The following PDE3B variants were observed in gnomAD, a reference collection of about 807,000 sequenced individuals.
The protein encoded by PDE3B is phosphodiesterase 3B.
PDE3B carries 66 observed loss-of-function variants against 116.8 expected under a neutral mutation model. That is an observed-to-expected ratio of 0.56 (90% CI 0.46 to 0.69). PDE3B has a LOEUF of 0.69. Ranked by LOEUF, PDE3B falls within the 30% of genes least tolerant of loss-of-function variation. The probability of loss-of-function intolerance (pLI) is 0.00; values close to 1 mark genes in which losing one functional copy is unlikely to be tolerated. For missense variants in PDE3B, 1,384 were observed against 1,368.1 expected, an observed-to-expected ratio of 1.01 and a Z score of -0.18; for synonymous variants, 595 against 533.6, an observed-to-expected ratio of 1.12 and a Z score of -1.59.
intron 1 of PDE3B, among the ~76,000 whole-genome samples, chr11:14,690,677 C>G (rs1457661332): frequency 6.6e-6 from 1 of 150,376 alleles, no homozygotes; most frequent in Non-Finnish European, 1.5e-5. Flanking sequence ...CCAACAATAC[C>G]TGGGAGGCAC....
intron 10 of PDE3B, 37 bp from the exon 11 acceptor site, chr11:14,834,945 T>A (rs1344850608): frequency 8.9e-7 from 1 of 1,124,148 alleles, no homozygotes; most frequent in Non-Finnish European, 1.3e-6. Context: ...AAATGTTGTG[T>A]GTTAAACCTA....
At chr11:14,767,015 T>C (rs1477872675) in intron 1 of PDE3B, among the ~76,000 whole-genome samples, 1 of 151,616 alleles carries the variant, frequency 6.6e-6, no homozygotes, top group Non-Finnish European at 1.5e-5. Flanking sequence ...TTATCGTTTG[T>C]GTGGCTGAGA....
rs1215286795 is a variant in PDE3B at position 14,872,036 on chromosome 11, TA to T, written c.*2381del. The T allele has an allele frequency of 6.6e-6, 1 of 152,226 alleles. No homozygotes were observed. Among genetic ancestry groups the T allele is most frequent in the Non-Finnish European group, 1.5e-5 (1 of 68,032 alleles). The allele number at this position is 152,226 out of a possible 1,614,324, so 9.4% of individuals were successfully genotyped here. ...ACATTTTTCTCCATAAAAGTACTTT[TA>T]AAAATTACTTCATGATTTGAAAGCT... On this transcript the variant is annotated 3_prime_UTR_variant, in exon 16 of 16. Transcript: ENST00000282096.
chr11:14,706,197 T>C (rs1270972817), intron 1 of PDE3B, among the ~76,000 whole-genome samples: 3 of 151,778 alleles, frequency 2.0e-5, no homozygotes, highest in Admixed American at 6.6e-5. Flanking sequence ...TTCCCTTTGC[T>C]GGTGACAGTG....
chr11:14,659,788 C>T (rs980147455), intron 1 of PDE3B, among the ~76,000 whole-genome samples: 2 of 152,198 alleles, frequency 1.3e-5, no homozygotes, highest in African/African-American at 4.8e-5. Flanking sequence ...CACATTTTTG[C>T]TGTGACTATT....
At position 14,804,001 on chromosome 11, in the gene PDE3B, A is replaced by C. The variant is rs1445011698; in HGVS notation, c.1473A>C (p.Gln491His). The C allele has an allele frequency of 6.2e-7, 1 of 1,612,036 alleles. No individual in the cohort carries two copies. The highest frequency in any genetic ancestry group is 8.5e-7 in the Non-Finnish European group (1 of 1,178,268). The change falls in exon 5 of 16, where the codon CAA (glutamine) becomes CAC (histidine). Residue 491 changes from glutamine to histidine, a missense_variant. Around this residue, in one of 2 missense-constraint regions of PDE3B, gnomAD observed 956 missense variants for 806.8 expected, o/e 1.18. Coordinates refer to ENST00000282096, the MANE Select transcript of PDE3B (RefSeq NM_000922.4). The part of the protein sequence containing the change: ...FNSNLLTIPK[Q>H]RSSSVSLTHH... ...CAAATCTACTGACTATCCCGAAGCA[A>C]AGGTCATCTTCTGTATCACTGACTC...
chr11:14,660,909 A>G (rs1027773427), intron 1 of PDE3B, among the ~76,000 whole-genome samples: 2 of 152,232 alleles, frequency 1.3e-5, no homozygotes, highest in African/African-American at 2.4e-5. Flanking sequence ...GCCAAAAAAC[A>G]CATGAAAAAA....
the PDE3B span, chr11:14,887,639 C>A: frequency 1.0e-6 from 1 of 985,338 alleles, no homozygotes; most frequent in Non-Finnish European, 1.2e-6. Flanking sequence ...CCTTCTAGAT[C>A]ACTCCATGAT....
At chr11:14,853,141 C>T (rs544408986) in intron 12 of PDE3B, among the ~76,000 whole-genome samples, 29 of 151,828 alleles carry the variant, frequency 1.9e-4, no homozygotes, top group African/African-American at 5.5e-4. Flanking sequence ...TTTAGATATC[C>T]GTATACGCAT....
At position 14,754,210 on chromosome 11, in the gene PDE3B, A is replaced by G. The variant is rs1857126498; in HGVS notation, c.979-17727A>G. ...TCTGAGTTACATGTATATTTATGGG[A>G]ATTAAATATTTAAATAATTGGGTAA... is the stretch of plus-strand genomic sequence containing the variant. On this transcript the variant is annotated intron_variant, in intron 1 of 15. Coordinates refer to ENST00000282096, the MANE Select transcript of PDE3B (RefSeq NM_000922.4). 1.3e-5 allele frequency among the ~76,000 whole-genome samples: 2 copies of G among 152,050 alleles called. 1 individual carries two copies. Among genetic ancestry groups the G allele is most frequent in the South Asian group, 4.1e-4 (2 of 4,824 alleles).
intron 1 of PDE3B, among the ~76,000 whole-genome samples, chr11:14,731,859 A>G (rs1372836818): frequency 6.6e-6 from 1 of 152,202 alleles, no homozygotes; most frequent in Non-Finnish European, 1.5e-5. Flanking sequence ...TTCTGCTGTC[A>G]TGGAGCTTAT....
At chr11:14,738,343 T>C (rs1313489360) in intron 1 of PDE3B, among the ~76,000 whole-genome samples, 1 of 152,250 alleles carries the variant, frequency 6.6e-6, no homozygotes, top group Non-Finnish European at 1.5e-5. Flanking sequence ...TCATTGTGGT[T>C]TTGATTTGCA....
At chr11:14,681,035 C>A (rs1329586757) in intron 1 of PDE3B, among the ~76,000 whole-genome samples, 2 of 152,110 alleles carry the variant, frequency 1.3e-5, no homozygotes, top group Admixed American at 1.3e-4. Context: ...ATATTTTTGG[C>A]TTACAGTATT....
At chr11:14,723,729 T>C (rs996220925) in intron 1 of PDE3B, among the ~76,000 whole-genome samples, 1 of 150,610 alleles carries the variant, frequency 6.6e-6, no homozygotes, top group African/African-American at 2.4e-5. Context: ...GCCACTGTAC[T>C]CCAGCCTGGG....
chr11:14,744,962 T>C (rs2062968619), intron 1 of PDE3B, among the ~76,000 whole-genome samples: 1 of 152,228 alleles, frequency 6.6e-6, no homozygotes, highest in South Asian at 2.1e-4. Flanking sequence ...TGTTAATTTA[T>C]AAGCTCTGTG....
At chr11:14,653,609 G>C (rs1207422427) in intron 1 of PDE3B, among the ~76,000 whole-genome samples, 1 of 151,198 alleles carries the variant, frequency 6.6e-6, no homozygotes, top group Non-Finnish European at 1.5e-5. Context: ...ACCCACCAAA[G>C]CTTCGGATTA....
intron 10 of PDE3B, among the ~76,000 whole-genome samples, chr11:14,833,957 G>A (rs746685305): frequency 2.0e-5 from 3 of 152,144 alleles, no homozygotes; most frequent in East Asian, 1.9e-4. Context: ...GGATACATTA[G>A]TTAAGAAAAT....
chr11:14,725,449 C>T (rs1232946607), intron 1 of PDE3B, among the ~76,000 whole-genome samples: 1 of 112,118 alleles, frequency 8.9e-6, no homozygotes, highest in Non-Finnish European at 1.9e-5. Context: ...CTCCCTCCAC[C>T]CCTCCCTCCT....
Position 14,747,627 on chromosome 11 carries a change from A to G in PDE3B, c.979-24310A>G, listed in dbSNP as rs138611959. Among the ~76,000 whole-genome samples the G allele has an allele frequency of 6.2e-3, 939 of 152,310 alleles. 10 individuals carry two copies. The highest frequency in any genetic ancestry group is 0.021 in the African/African-American group (857 of 41,566). ...TGCTGTATAAAGTTTTTAAAGAAGC[A>G]TATCGTGTGCATAATCCCTAAAAAA... On this transcript the variant is annotated intron_variant, in intron 1 of 15. Coordinates refer to ENST00000282096, the MANE Select transcript of PDE3B (RefSeq NM_000922.4).
Sources: allele counts gnomAD v4.1 joint callset (sites outside exome capture counted in the v4.1 genomes callset), GRCh38; gene constraint gnomAD v4.1.1; regional missense constraint gnomAD v4.1.1; transcripts MANE v1.5; gene names NCBI Gene and HGNC (gene_info 2026-07-23, HGNC 2026-07-21).